KIF13A: variants seen among roughly 807,000 people sequenced by gnomAD.
KIF13A encodes kinesin family member 13A, also known as kinesin-like protein KIF13A.
In KIF13A, 79 loss-of-function variants were observed where a neutral mutation model predicts 212.2. That is an observed-to-expected ratio of 0.37 (90% CI 0.31 to 0.45). The LOEUF is 0.45. Ranked by LOEUF, KIF13A falls within the 20% of genes least tolerant of loss-of-function variation. The pLI, the probability that KIF13A is intolerant of heterozygous loss-of-function variation, is 1.00. For synonymous variants in KIF13A, 789 were observed against 808.6 expected (o/e 0.98, Z 0.41); for missense variants, 1,901 against 2,209.0 (o/e 0.86, Z 2.79).
At position 17,849,739 on chromosome 6, in the gene KIF13A, G is replaced by C. The variant is rs1767445270; in HGVS notation, c.718-250C>G. 6.6e-6 allele frequency among the ~76,000 whole-genome samples: 1 copy of C among 152,222 alleles called. No individual in the cohort carries two copies. The highest frequency in any genetic ancestry group is 2.4e-5 in the African/African-American group (1 of 41,458). On this transcript the variant is annotated intron_variant, in intron 8 of 38. Coordinates refer to ENST00000259711, the MANE Select transcript of KIF13A (RefSeq NM_022113.6). The surrounding 1 kb of genome is among the most constrained non-coding windows in gnomAD (Gnocchi z 5.7). Reference sequence around the variant, plus strand: ...AGTACACCCAGCTTTCTGGAATACAGTCAGAAAGCTGGAGATTTAAAATGC... The same window carrying C: ...AGTACACCCAGCTTTCTGGAATACACTCAGAAAGCTGGAGATTTAAAATGC...
At chr6:17,911,875 G>GT (rs1173562671) in intron 2 of KIF13A, among the ~76,000 whole-genome samples, 2 of 151,252 alleles carry the variant, frequency 1.3e-5, no homozygotes, top group Non-Finnish European at 2.9e-5. Context: ...AGCGATTCTC[G>GT]TGAGTCAGCA....
chr6:17,816,244 C>A lies in KIF13A; in HGVS notation c.2000+776G>T, dbSNP rs190574584. 1.3e-5 allele frequency among the ~76,000 whole-genome samples: 2 copies of A among 152,088 alleles called. No individual in the cohort carries two copies. The highest frequency in any genetic ancestry group is 4.8e-5 in the African/African-American group (2 of 41,496). On this transcript the variant is annotated intron_variant, in intron 17 of 38. Coordinates refer to ENST00000259711, the MANE Select transcript of KIF13A (RefSeq NM_022113.6). This position sits in a 1 kb window ranked among gnomAD's most constrained non-coding sequence, Gnocchi z 4.3. ...GAGTCAGGTCAGGTTCTTCCTGTCA[C>A]CCAGGCTGGAGTGTGGTGGCATGAT...
chr6:17,805,352 GTA>G (rs1449432517), intron 19 of KIF13A, 121 bp downstream of exon 19: 2 of 847,432 alleles, frequency 2.4e-6, no homozygotes, highest in East Asian at 2.5e-5. Context: ...AATATCTAAC[GTA>G]TCATGAGCAC....
At chr6:17,930,498 G>C (rs554621048) in intron 2 of KIF13A, among the ~76,000 whole-genome samples, 1 of 152,204 alleles carries the variant, frequency 6.6e-6, no homozygotes, top group Non-Finnish European at 1.5e-5. Flanking sequence ...TACGTTATCA[G>C]GAAAAACAGC....
rs1240192820 is a variant in KIF13A at position 17,919,905 on chromosome 6, G to A, written c.147-21725C>T. On this transcript the variant is annotated intron_variant, in intron 2 of 38. Transcript: ENST00000259711. This position sits in a 1 kb window ranked among gnomAD's most constrained non-coding sequence, Gnocchi z 4.1. ...CCAGTGTTTGAAGGAATAAGCTCCA[G>A]TGATCTGAAAAATTAACTTCTATTA... Among the ~76,000 whole-genome samples, 2 of 152,220 alleles carry A rather than the reference G, an allele frequency of 1.3e-5. No homozygotes were observed. The highest frequency in any genetic ancestry group is 2.9e-5 in the Non-Finnish European group (2 of 68,030).
Position 17,837,725 on chromosome 6 carries a change from AT to A in KIF13A, c.831-143del. Reference sequence around the variant, plus strand: ...CCAGCACTTTGGGAGGCCAAGGTGGATGAATCACTTGAGGCCAGGGGTTTGA... The same window carrying A: ...CCAGCACTTTGGGAGGCCAAGGTGGAGAATCACTTGAGGCCAGGGGTTTGA... On this transcript the variant is annotated intron_variant, in intron 9 of 38. Coordinates refer to ENST00000259711, the MANE Select transcript of KIF13A (RefSeq NM_022113.6). The surrounding 1 kb of genome is among the most constrained non-coding windows in gnomAD (Gnocchi z 5.4). 1 of 607,142 alleles carries A rather than the reference AT, an allele frequency of 1.6e-6. No individual in the cohort carries two copies. Among genetic ancestry groups the A allele is most frequent in the Non-Finnish European group, 2.9e-6 (1 of 346,040 alleles). 37.6% of individuals were successfully genotyped at this position (607,142 alleles called of 1,614,324 possible).
In KIF13A at chr6:17,850,666, C is replaced by A. The variant is rs1767553423; in HGVS notation, c.583-209G>T. Among the ~76,000 whole-genome samples, 2 of 152,138 alleles carry A rather than the reference C, an allele frequency of 1.3e-5. No individual in the cohort carries two copies. On this transcript the variant is annotated intron_variant, in intron 7 of 38. Transcript: ENST00000259711. The surrounding 1 kb of genome is among the most constrained non-coding windows in gnomAD (Gnocchi z 6.2). ...TATGAAATGTTTCCCTAATTCTTTC[C>A]ATTTCCCAATTGTCTTCTTTCTCAG...
At chr6:17,884,744 C>T (rs1207431454) in intron 3 of KIF13A, among the ~76,000 whole-genome samples, 1 of 152,194 alleles carries the variant, frequency 6.6e-6, no homozygotes. Flanking sequence ...TGCCTTCTTC[C>T]TCTCTTTGTA....
intron 2 of KIF13A, among the ~76,000 whole-genome samples, chr6:17,946,891 G>A (rs1216909508): frequency 6.6e-6 from 1 of 152,102 alleles, no homozygotes. Flanking sequence ...GCATCAACAC[G>A]GACAAATGAA....
chr6:17,914,787 G>A lies in KIF13A; in HGVS notation c.147-16607C>T, dbSNP rs942335532. Among the ~76,000 whole-genome samples the A allele has an allele frequency of 4.6e-5, 7 of 152,154 alleles. No individual in the cohort carries two copies. Among genetic ancestry groups the A allele is most frequent in the South Asian group, 2.1e-4 (1 of 4,824 alleles). On this transcript the variant is annotated intron_variant, in intron 2 of 38. Coordinates refer to ENST00000259711, the MANE Select transcript of KIF13A (RefSeq NM_022113.6). The surrounding 1 kb of genome is among the most constrained non-coding windows in gnomAD (Gnocchi z 5.9). The stretch of plus-strand genomic sequence containing the variant: ...GAGCCTAGTAAGAAACTCACCCTGC[G>A]TTAACCAAAACAAAATTAAGCAGAG...
Position 17,883,739 on chromosome 6 carries a change from G to A in KIF13A, c.160-10302C>T, listed in dbSNP as rs1017944754. Among the ~76,000 whole-genome samples, 3 of 152,134 alleles carry A rather than the reference G, an allele frequency of 2.0e-5. No individual in the cohort carries two copies. Among genetic ancestry groups the A allele is most frequent in the Non-Finnish European group, 4.4e-5 (3 of 68,036 alleles). On this transcript the variant is annotated intron_variant, in intron 3 of 38. Coordinates refer to ENST00000259711, the MANE Select transcript of KIF13A (RefSeq NM_022113.6). The surrounding 1 kb of genome is among the most constrained non-coding windows in gnomAD (Gnocchi z 4.8). ...CCTTTGGGTATATTGAACACAGTGA[G>A]ATGTCTAGGGAAAAGAAGAAGGAAG...
At chr6:17,797,492 C>T (rs1762146629) in intron 22 of KIF13A, among the ~76,000 whole-genome samples, 2 of 152,202 alleles carry the variant, frequency 1.3e-5, no homozygotes, top group African/African-American at 4.8e-5. Context: ...ACTCAATGAA[C>T]TGTTCCTTGC....
At chr6:17,813,634 G>A (rs990772571) in intron 17 of KIF13A, among the ~76,000 whole-genome samples, 1 of 151,920 alleles carries the variant, frequency 6.6e-6, no homozygotes, top group Admixed American at 6.5e-5. Context: ...CGAGCCTTGC[G>A]CTGCAGGGCA....
At chr6:17,869,756 A>G (rs1769827140) in intron 4 of KIF13A, among the ~76,000 whole-genome samples, 1 of 152,226 alleles carries the variant, frequency 6.6e-6, no homozygotes, top group South Asian at 2.1e-4. Flanking sequence ...CACACCACAC[A>G]AAACTTAAGA....
intron 16 of KIF13A, among the ~76,000 whole-genome samples, chr6:17,819,871 A>G (rs1764283612): frequency 6.6e-6 from 1 of 152,176 alleles, no homozygotes; most frequent in South Asian, 2.1e-4. Context: ...TGGGTTTAAA[A>G]AAGAAAGGAC....
chr6:17,764,557 T>C lies in KIF13A; in HGVS notation c.4971A>G (p.Lys1657=). ...CAATTATCTTGTCCTTTACCAAGCC[T>C]TTTTCGACTTCTGTCAACTCTTTGT... ...SSNKELTEVE[K]GLVKDKIIVV... Residue 1657 remains lysine (K), a synonymous_variant, in exon 39 of 39, where the codon AAA becomes AAG. Transcript: ENST00000259711. The surrounding 1 kb of genome is among the most constrained non-coding windows in gnomAD (Gnocchi z 5.1). 1 of 1,613,668 alleles carries C rather than the reference T, an allele frequency of 6.2e-7. No homozygotes were observed. Among genetic ancestry groups the C allele is most frequent in the South Asian group, 1.1e-5 (1 of 91,070 alleles).
intron 2 of KIF13A, among the ~76,000 whole-genome samples, chr6:17,954,984 A>T (rs1489891221): frequency 6.6e-6 from 1 of 152,100 alleles, no homozygotes; most frequent in Non-Finnish European, 1.5e-5. Context: ...AGGCTCATTT[A>T]AAAAAACTTT....
intron 34 of KIF13A, among the ~76,000 whole-genome samples, chr6:17,775,657 TTTC>T (rs1180863851): frequency 3.9e-5 from 6 of 152,186 alleles, no homozygotes; most frequent in African/African-American, 1.4e-4. Flanking sequence ...GTATTCAGGT[TTTC>T]TATTTCTTCT....
rs1347371473 is a variant in KIF13A, at chr6:17,947,160, T to A, written c.146+39894A>T. Reference sequence around the variant, plus strand: ...TATAAAGAAAACTAAGGAAAATAAATATAAAATTCAGGATAGTCATTTCCT... The same window carrying A: ...TATAAAGAAAACTAAGGAAAATAAAAATAAAATTCAGGATAGTCATTTCCT... On this transcript the variant is annotated intron_variant, in intron 2 of 38. Coordinates refer to ENST00000259711, the MANE Select transcript of KIF13A (RefSeq NM_022113.6). The surrounding 1 kb of genome is among the most constrained non-coding windows in gnomAD (Gnocchi z 4.6). Among the ~76,000 whole-genome samples, 1 of 152,064 alleles carries A rather than the reference T, an allele frequency of 6.6e-6. No individual in the cohort carries two copies. Among genetic ancestry groups the A allele is most frequent in the African/African-American group, 2.4e-5 (1 of 41,410 alleles).
Sources: gnomAD v4.1 joint callset for allele counts (sites outside exome capture counted in the v4.1 genomes callset) on GRCh38, gnomAD v4.1.1 for gene constraint, Gnocchi (gnomAD v3.1) non-coding constraint, MANE v1.5 for transcripts, NCBI Gene and HGNC (gene_info 2026-07-23, HGNC 2026-07-21) for gene names.